Variants in CACNA2D3 observed in about 807,000 individuals in gnomAD.
CACNA2D3 encodes the protein calcium voltage-gated channel auxiliary subunit alpha2delta 3, also known as voltage-dependent calcium channel subunit alpha-2/delta-3.
Under a neutral mutation model 160.6 loss-of-function variants are expected in CACNA2D3, and 60 were observed. The observed-to-expected ratio is 0.37, with a 90% CI of 0.30 to 0.46. The LOEUF (loss-of-function observed/expected upper bound fraction) is 0.46, where lower values mean the gene tolerates loss of function less well. CACNA2D3 is among the 20% of genes least tolerant of loss of function. The pLI is 1.00. For synonymous variants in CACNA2D3, 558 were observed against 492.9 expected (o/e 1.13, Z -1.75); for missense variants, 1,205 against 1,365.0 (o/e 0.88, Z 1.85).
At chr3:54,674,387 A>C (rs912956402) in intron 11 of CACNA2D3, among the ~76,000 whole-genome samples, 1 of 152,152 alleles carries the variant, frequency 6.6e-6, no homozygotes, top group Non-Finnish European at 1.5e-5. Flanking sequence ...GGGAAGGAGG[A>C]TGGAAGTTTG....
intron 14 of CACNA2D3, among the ~76,000 whole-genome samples, chr3:54,820,892 A>T (rs1307019496): frequency 2.0e-5 from 3 of 152,126 alleles, no homozygotes; most frequent in Admixed American, 6.5e-5. Context: ...TTCTAGCTGC[A>T]TTTTTCTTCA....
chr3:54,858,642 A>T (rs1415687760), intron 17 of CACNA2D3, among the ~76,000 whole-genome samples: 1 of 152,136 alleles, frequency 6.6e-6, no homozygotes, highest in African/African-American at 2.4e-5. Context: ...AGGAGACTCG[A>T]CTGGGCTGCT....
intron 35 of CACNA2D3, among the ~76,000 whole-genome samples, chr3:55,064,184 G>A (rs1161554465): frequency 1.3e-5 from 2 of 152,344 alleles, no homozygotes; most frequent in South Asian, 4.1e-4. Flanking sequence ...GGAGGGGACT[G>A]AATCTCCCCT....
chr3:54,355,239 A>G (rs1282774170), intron 3 of CACNA2D3, among the ~76,000 whole-genome samples: 3 of 152,198 alleles, frequency 2.0e-5, no homozygotes, highest in Admixed American at 1.3e-4. Flanking sequence ...GTTATGTACA[A>G]CTTTGAGGCT....
intron 5 of CACNA2D3, among the ~76,000 whole-genome samples, chr3:54,539,511 G>A (rs1701938178): frequency 6.6e-6 from 1 of 152,290 alleles, no homozygotes; most frequent in South Asian, 2.1e-4. Context: ...TTTGTGTGGT[G>A]TGTACCCTAT....
chr3:54,279,373 C>T (rs1159769707), intron 2 of CACNA2D3, among the ~76,000 whole-genome samples: 2 of 152,150 alleles, frequency 1.3e-5, no homozygotes, highest in Non-Finnish European at 2.9e-5. Context: ...CGGGATGGCC[C>T]TACTAGTATG....
intron 2 of CACNA2D3, among the ~76,000 whole-genome samples, chr3:54,276,718 G>A (rs930441562): frequency 2.0e-5 from 3 of 152,094 alleles, no homozygotes; most frequent in African/African-American, 7.2e-5. Context: ...TGGCAGGGCT[G>A]GTATGGGAGA....
At chr3:54,222,210 C>T (rs1414311268) in intron 2 of CACNA2D3, among the ~76,000 whole-genome samples, 1 of 152,196 alleles carries the variant, frequency 6.6e-6, no homozygotes, top group South Asian at 2.1e-4. Flanking sequence ...CTGCAGTAAG[C>T]AAGCTGGGGA....
chr3:55,046,371 G>C (rs1276723020), intron 35 of CACNA2D3, among the ~76,000 whole-genome samples: 1 of 109,392 alleles, frequency 9.1e-6, no homozygotes, highest in East Asian at 2.3e-4. Flanking sequence ...TTGTTCTTGC[G>C]ATAGTTTACT....
chr3:54,368,993 G>A lies in CACNA2D3; in HGVS notation c.322-17722G>A, dbSNP rs545898312. On this transcript the variant is annotated intron_variant, in intron 3 of 37. Transcript: ENST00000474759. ...TGGGATTACAGGTGTGAGCCACTGC[G>A]TCCGGCCGGCAGTAGGGTTCTCTTA... 5.3e-5 allele frequency among the ~76,000 whole-genome samples: 8 copies of A among 151,994 alleles called. No individual in the cohort carries two copies. The South Asian group carries it at 1.2e-3, about 24-fold the overall frequency.
intron 10 of CACNA2D3, among the ~76,000 whole-genome samples, chr3:54,631,864 G>A (rs921028394): frequency 1.3e-5 from 2 of 152,220 alleles, no homozygotes; most frequent in African/African-American, 4.8e-5. Flanking sequence ...GGCGATGAAT[G>A]TGATCTTTGC....
chr3:54,287,669 C>G (rs1159745880), intron 2 of CACNA2D3, among the ~76,000 whole-genome samples: 3 of 143,594 alleles, frequency 2.1e-5, no homozygotes, highest in East Asian at 4.2e-4. Flanking sequence ...TGACCACATA[C>G]TTGGAAGTAA....
intron 16 of CACNA2D3, among the ~76,000 whole-genome samples, chr3:54,845,995 C>T (rs1020222859): frequency 6.6e-6 from 1 of 152,110 alleles, no homozygotes; most frequent in East Asian, 1.9e-4. Context: ...AGCGTGGGGA[C>T]CCCTCTTTCC....
At chr3:54,738,725 A>C (rs1215880350) in intron 11 of CACNA2D3, among the ~76,000 whole-genome samples, 2 of 152,196 alleles carry the variant, frequency 1.3e-5, no homozygotes, top group African/African-American at 4.8e-5. Flanking sequence ...ACTGACAGGA[A>C]GCTCTTTGAA....
intron 3 of CACNA2D3, among the ~76,000 whole-genome samples, chr3:54,332,969 C>T (rs1704298364): frequency 6.6e-6 from 1 of 152,068 alleles, no homozygotes; most frequent in African/African-American, 2.4e-5. Context: ...ACCCAGGGAA[C>T]CCAGGGAGTG....
chr3:54,930,332 G>T (rs1461953213), intron 27 of CACNA2D3, among the ~76,000 whole-genome samples: 3 of 152,112 alleles, frequency 2.0e-5, no homozygotes, highest in Non-Finnish European at 4.4e-5. Context: ...TGATCTTTAA[G>T]GCCTTCTTAT....
At chr3:54,502,203 A>G (rs1254821392) in intron 4 of CACNA2D3, among the ~76,000 whole-genome samples, 1 of 152,216 alleles carries the variant, frequency 6.6e-6, no homozygotes. Context: ...ATACTCAGCC[A>G]TTATTATTTC....
intron 35 of CACNA2D3, among the ~76,000 whole-genome samples, chr3:55,055,149 A>G (rs1047702398): frequency 3.9e-5 from 6 of 152,170 alleles, no homozygotes; most frequent in African/African-American, 1.4e-4. Context: ...ACTGCTGCAT[A>G]ATTTTTCCCC....
At chr3:54,895,955 TGA>T (rs1234191363) in intron 25 of CACNA2D3, among the ~76,000 whole-genome samples, 1 of 152,170 alleles carries the variant, frequency 6.6e-6, no homozygotes, top group Non-Finnish European at 1.5e-5. Context: ...GGGGATATGA[TGA>T]TTGTGCAGGC....
Sources: gnomAD v4.1 joint callset for allele counts (sites outside exome capture counted in the v4.1 genomes callset) on GRCh38, gnomAD v4.1.1 for gene constraint, MANE v1.5 for transcripts, NCBI Gene and HGNC (gene_info 2026-07-23, HGNC 2026-07-21) for gene names.